The following CADPS2 variants were observed in gnomAD, a reference collection of about 807,000 sequenced individuals.
The protein encoded by CADPS2 is calcium dependent secretion activator 2, also known as calcium-dependent secretion activator 2.
Under a neutral mutation model 172.5 loss-of-function variants are expected in CADPS2, and 93 were observed. The observed-to-expected ratio is 0.54, with a 90% CI of 0.46 to 0.64. The LOEUF is 0.64. Ranked by LOEUF, CADPS2 falls within the 30% of genes least tolerant of loss-of-function variation. The pLI is 0.00. For missense variants in CADPS2, 1,420 were observed against 1,565.9 expected (o/e 0.91, Z 1.57); for synonymous variants, 546 against 555.2 (o/e 0.98, Z 0.23).
At chr7:122,793,400 T>A (rs1795696449) in intron 1 of CADPS2, among the ~76,000 whole-genome samples, 1 of 152,184 alleles carries the variant, frequency 6.6e-6, no homozygotes, top group Non-Finnish European at 1.5e-5. Context: ...TTTATCTTTT[T>A]AAATCTTTGT....
chr7:122,679,541 CT>C (rs1354766636), intron 2 of CADPS2, among the ~76,000 whole-genome samples: 1 of 152,114 alleles, frequency 6.6e-6, no homozygotes, highest in Non-Finnish European at 1.5e-5. Flanking sequence ...TGATCTCACC[CT>C]GACCTTCTGC....
chr7:122,404,639 T>A (rs986895333), intron 20 of CADPS2, among the ~76,000 whole-genome samples: 8 of 152,174 alleles, frequency 5.3e-5, no homozygotes, highest in African/African-American at 1.9e-4. Context: ...TTTCTCCACA[T>A]CCTCTCCAGC....
At chr7:122,625,248 C>T (rs1056806691) in intron 4 of CADPS2, among the ~76,000 whole-genome samples, 7 of 151,936 alleles carry the variant, frequency 4.6e-5, no homozygotes, top group Non-Finnish European at 1.0e-4. Flanking sequence ...CGGGGTTTCT[C>T]CATGTTGGTC....
intron 3 of CADPS2, among the ~76,000 whole-genome samples, chr7:122,649,184 T>C (rs948399941): frequency 6.6e-6 from 1 of 152,028 alleles, no homozygotes; most frequent in Non-Finnish European, 1.5e-5. Flanking sequence ...ACACACACCA[T>C]ACCTCCCTAA....
intron 8 of CADPS2, among the ~76,000 whole-genome samples, chr7:122,535,133 GTACT>G (rs1336387264): frequency 6.6e-6 from 1 of 152,018 alleles, no homozygotes; most frequent in African/African-American, 2.4e-5. Flanking sequence ...GCCTCTGGTG[GTACT>G]TGAGTATCGT....
chr7:122,587,098 ATTTT>A (rs543225329), intron 6 of CADPS2, among the ~76,000 whole-genome samples: 3 of 147,566 alleles, frequency 2.0e-5, no homozygotes, highest in African/African-American at 5.0e-5. Flanking sequence ...TTCATGCTGA[ATTTT>A]TTTTTTTTAC....
intron 6 of CADPS2, among the ~76,000 whole-genome samples, chr7:122,597,909 T>C (rs568916956): frequency 1.4e-5 from 2 of 148,080 alleles, no homozygotes; most frequent in South Asian, 4.3e-4. Flanking sequence ...GGCATCTTTT[T>C]AACATTTTTT....
At chr7:122,464,070 C>A (rs1300821936) in intron 14 of CADPS2, among the ~76,000 whole-genome samples, 6 of 152,088 alleles carry the variant, frequency 3.9e-5, no homozygotes, top group Non-Finnish European at 8.8e-5. Context: ...ATACCATTCT[C>A]TAAAAAACAA....
At chr7:122,427,121 C>CGTGTGTGTGTGTGT (rs35202510) in intron 17 of CADPS2, 21 of 146,566 alleles carry the variant, frequency 1.4e-4, no homozygotes, top group African/African-American at 4.7e-4. Context: ...ACATAAATGC[C>CGTGTGTGTGTGTGT]GTGTGTGTGT....
At position 122,320,320 on chromosome 7, in the gene CADPS2, G is replaced by C; in HGVS notation, c.3736C>G (p.Arg1246Gly). The change falls in exon 30 of 30, where the codon CGA becomes GGA. Residue 1246 changes from arginine (R) to glycine (G), a missense_variant. Coordinates refer to ENST00000449022, the MANE Select transcript of CADPS2 (RefSeq NM_017954.11). ...GTTCCTTCCAACACACCCTGCAATC[G>C]AAAGTCCCTGTAGGTTTTCTGAAGA... ...KIVKKTYRDF[R>G]LQGVLEGTLN... The C allele has an allele frequency of 6.2e-7, 1 of 1,600,248 alleles. No individual in the cohort carries two copies. Among genetic ancestry groups the C allele is most frequent in the Non-Finnish European group, 8.5e-7 (1 of 1,173,510 alleles).
Position 122,663,174 on chromosome 7 carries a change from T to C in CADPS2, c.786+63A>G, listed in dbSNP as rs114279409. On this transcript the variant is annotated intron_variant, in intron 3 of 29. Transcript: ENST00000449022. ...AGTAAAGGACATCTTCATAGGCTTGTAAATACTTCATGTTCATTCCACGAG... is the reference window on the plus strand; with the variant it reads ...AGTAAAGGACATCTTCATAGGCTTGCAAATACTTCATGTTCATTCCACGAG... 2.5e-6 allele frequency: 3 copies of C among 1,220,564 alleles called. No individual in the cohort carries two copies. The South Asian group carries it at 4.4e-5, about 18-fold the overall frequency. The allele number at this position is 1,220,564 out of a possible 1,614,324, so 75.6% of individuals were successfully genotyped here.
At chr7:122,525,980 C>T (rs891378993) in intron 8 of CADPS2, among the ~76,000 whole-genome samples, 1 of 152,098 alleles carries the variant, frequency 6.6e-6, no homozygotes, top group Non-Finnish European at 1.5e-5. Context: ...CAGTCATTGA[C>T]AAAATATCAT....
At chr7:122,828,387 T>C (rs1022707135) in intron 1 of CADPS2, among the ~76,000 whole-genome samples, 3 of 152,102 alleles carry the variant, frequency 2.0e-5, no homozygotes, top group African/African-American at 7.2e-5. Flanking sequence ...TTTTGTAAGC[T>C]TAGAACTTTC....
chr7:122,645,397 A>G (rs1289268924), intron 3 of CADPS2, among the ~76,000 whole-genome samples: 6 of 51,570 alleles, frequency 1.2e-4, no homozygotes, highest in South Asian at 7.7e-4. Context: ...GTGTGTGTAT[A>G]TATGTACATA....
At chr7:122,639,107 A>G (rs1479764737) in intron 3 of CADPS2, among the ~76,000 whole-genome samples, 5 of 152,172 alleles carry the variant, frequency 3.3e-5, no homozygotes, top group Non-Finnish European at 7.3e-5. Flanking sequence ...ATGTTTACCA[A>G]AAAAGGAAAA....
At chr7:122,624,214 G>A (rs2075866509) in intron 4 of CADPS2, among the ~76,000 whole-genome samples, 1 of 152,130 alleles carries the variant, frequency 6.6e-6, no homozygotes, top group African/African-American at 2.4e-5. Context: ...TAAATTTGTT[G>A]TTTTAAACTA....
At chr7:122,586,594 GATGTT>G (rs1271730230) in intron 6 of CADPS2, among the ~76,000 whole-genome samples, 10 of 151,966 alleles carry the variant, frequency 6.6e-5, no homozygotes, top group East Asian at 1.9e-4. Flanking sequence ...AGCTTTGCAA[GATGTT>G]ATGTTATCTG....
At chr7:122,770,969 T>G (rs2093689523) in intron 1 of CADPS2, among the ~76,000 whole-genome samples, 1 of 152,186 alleles carries the variant, frequency 6.6e-6, no homozygotes, top group Non-Finnish European at 1.5e-5. Context: ...CCACATATAC[T>G]CAGTGACTGG....
At chr7:122,345,529 A>G in intron 28 of CADPS2, 45 bp downstream of exon 28, 1 of 1,134,356 alleles carries the variant, frequency 8.8e-7, no homozygotes, top group East Asian at 2.4e-5. Flanking sequence ...TTCTCTTTGC[A>G]GTTTATCTAT....
Sources: gnomAD v4.1 joint callset for allele counts (sites outside exome capture counted in the v4.1 genomes callset) on GRCh38, gnomAD v4.1.1 for gene constraint, MANE v1.5 for transcripts, NCBI Gene and HGNC (gene_info 2026-07-23, HGNC 2026-07-21) for gene names.